BLTP1: variants seen among roughly 807,000 people sequenced by gnomAD.
The protein encoded by BLTP1 is fragile site-associated protein.
chr4:122,236,148 C>T, the BLTP1 span, among the ~76,000 whole-genome samples: 1 of 152,182 alleles, frequency 6.6e-6, no homozygotes, highest in African/African-American at 2.4e-5. Flanking sequence ...GGTAATTTTA[C>T]CTTCAAGAGT....
the BLTP1 span, chr4:122,266,935 G>A: frequency 4.4e-6 from 7 of 1,589,824 alleles, no homozygotes; most frequent in Non-Finnish European, 5.1e-6. Flanking sequence ...CAGCCAAAGA[G>A]AGAAAAGGCA....
At chr4:122,243,043 A>G in the BLTP1 span, 1 of 1,612,754 alleles carries the variant, frequency 6.2e-7, no homozygotes, top group South Asian at 1.1e-5. Flanking sequence ...AGACAGAGGC[A>G]TGCAACTTTC....
At chr4:122,342,956 A>C in the BLTP1 span, among the ~76,000 whole-genome samples, 1 of 152,110 alleles carries the variant, frequency 6.6e-6, no homozygotes, top group East Asian at 1.9e-4. Context: ...TTGGCTCTCT[A>C]ACAGATTTTT....
the BLTP1 span, chr4:122,281,909 A>G: frequency 1.5e-6 from 2 of 1,299,630 alleles, no homozygotes; most frequent in African/African-American, 1.5e-5. Context: ...AAGTTCATTA[A>G]TGATGTTCTC....
At chr4:122,266,832 C>T in the BLTP1 span, 6 of 1,609,808 alleles carry the variant, frequency 3.7e-6, no homozygotes, top group South Asian at 5.5e-5. Flanking sequence ...TCACAGGATA[C>T]AATGCCATTC....
At chr4:122,272,030 T>G in the BLTP1 span, 1 of 1,172,458 alleles carries the variant, frequency 8.5e-7, no homozygotes, top group Non-Finnish European at 1.2e-6. Context: ...TTTTAATCAT[T>G]TTGTTGGGGA....
At chr4:122,209,724 A>C in the BLTP1 span, 2 of 1,458,478 alleles carry the variant, frequency 1.4e-6, no homozygotes, top group Non-Finnish European at 1.8e-6. Flanking sequence ...TCTTTCAAAA[A>C]ATAATAATAA....
At chr4:122,247,743 A>G in the BLTP1 span, 1 of 1,010,884 alleles carries the variant, frequency 9.9e-7, no homozygotes, top group Non-Finnish European at 1.2e-6. Context: ...AATTAATTGT[A>G]ATATTAATCA....
At chr4:122,189,081 A>C in the BLTP1 span, 2 of 983,686 alleles carry the variant, frequency 2.0e-6, no homozygotes, top group South Asian at 9.4e-5. Context: ...TGAATAAATC[A>C]GGATTTTTTT....
the BLTP1 span, chr4:122,274,634 C>CGTAT: frequency 1.0e-6 from 1 of 980,308 alleles, no homozygotes; most frequent in Non-Finnish European, 1.2e-6. Flanking sequence ...GTGGTATATA[C>CGTAT]CTTCATTCCT....
the BLTP1 span, among the ~76,000 whole-genome samples, chr4:122,318,529 C>T: frequency 6.6e-6 from 1 of 152,124 alleles, no homozygotes. Context: ...TTGTAGGACT[C>T]GATAGTCTAT....
chr4:122,345,411 G>A, the BLTP1 span, among the ~76,000 whole-genome samples: 1 of 151,306 alleles, frequency 6.6e-6, no homozygotes, highest in Non-Finnish European at 1.5e-5. Context: ...GGTATTCAAT[G>A]GCACAGAAGC....
the BLTP1 span, chr4:122,235,037 T>G: frequency 2.8e-5 from 44 of 1,582,656 alleles, no homozygotes; most frequent in Non-Finnish European, 3.7e-5. Flanking sequence ...ATAAAATGTT[T>G]CGTCACTTGT....
chr4:122,236,115 T>C, the BLTP1 span, among the ~76,000 whole-genome samples: 636 of 152,352 alleles, frequency 4.2e-3, no homozygotes, highest in Non-Finnish European at 7.5e-3. Context: ...CTTTTATCAG[T>C]ACACACAAAA....
chr4:122,317,951 C>T, the BLTP1 span: 2 of 171,062 alleles, frequency 1.2e-5, no homozygotes, highest in African/African-American at 4.8e-5. Flanking sequence ...AGACACATTT[C>T]CTCAAACATT....
At chr4:122,208,832 A>G in the BLTP1 span, among the ~76,000 whole-genome samples, 1 of 151,808 alleles carries the variant, frequency 6.6e-6, no homozygotes, top group African/African-American at 2.4e-5. Flanking sequence ...GCTTGAGGTC[A>G]GGAGTTTGAG....
At chr4:122,263,367 T>G in the BLTP1 span, 92 of 1,448,528 alleles carry the variant, frequency 6.4e-5, no homozygotes, top group Middle Eastern at 1.7e-3. Flanking sequence ...ATTCTTCAAA[T>G]ATAGGTATAT....
At chr4:122,227,003 C>A in the BLTP1 span, 4 of 577,358 alleles carry the variant, frequency 6.9e-6, no homozygotes, top group Non-Finnish European at 5.2e-6. Context: ...TTTTAAGTAT[C>A]TAAAATATGA....
the BLTP1 span, chr4:122,221,000 T>C: frequency 1.1e-5 from 7 of 665,318 alleles, no homozygotes; most frequent in Non-Finnish European, 1.3e-5. Context: ...CTGGGTAGAT[T>C]ATAATTTTAT....
Sources: allele counts gnomAD v4.1 joint callset (sites outside exome capture counted in the v4.1 genomes callset), GRCh38; gene constraint gnomAD v4.1.1; transcripts MANE v1.5; gene names NCBI Gene and HGNC (gene_info 2026-07-23, HGNC 2026-07-21).